The following METTL14 variants were observed in gnomAD, a reference collection of about 807,000 sequenced individuals.
METTL14 encodes the protein N(6)-adenosine-methyltransferase non-catalytic subunit METTL14.
A neutral mutation model predicts 62.4 loss-of-function variants in METTL14; 32 were observed. That is an observed-to-expected ratio of 0.51 (90% confidence interval 0.39 to 0.69). The LOEUF (loss-of-function observed/expected upper bound fraction) is 0.69. METTL14 is among the 30% of genes least tolerant of loss of function. METTL14 has a pLI of 0.00. For synonymous variants in METTL14, 150 were observed against 180.0 expected (o/e 0.83, Z 1.34); for missense variants, 340 against 551.9 (o/e 0.62, Z 3.85).
intron 5 of METTL14, 50 bp from the exon 6 acceptor site, chr4:118,694,386 T>TA (rs780484230): frequency 6.9e-7 from 1 of 1,445,366 alleles, no homozygotes; most frequent in South Asian, 1.2e-5. Flanking sequence ...GAATTACTGA[T>TA]ATTAACTTCA....
chr4:118,695,833 C>T (rs572455065), intron 6 of METTL14, among the ~76,000 whole-genome samples: 9 of 151,838 alleles, frequency 5.9e-5, no homozygotes, highest in Middle Eastern at 3.4e-3. Flanking sequence ...TATTTTGGGC[C>T]GGGTGCGGTG....
At chr4:118,705,110 T>G (rs1404889923) in intron 9 of METTL14, among the ~76,000 whole-genome samples, 2 of 152,202 alleles carry the variant, frequency 1.3e-5, no homozygotes, top group Admixed American at 1.3e-4. Flanking sequence ...TAGAAGAGTT[T>G]GTTTTTCTTA....
intron 1 of METTL14, among the ~76,000 whole-genome samples, chr4:118,687,286 G>A (rs896256655): frequency 3.3e-5 from 5 of 152,204 alleles, no homozygotes; most frequent in Admixed American, 6.5e-5. Context: ...GAATGCTTCA[G>A]TGACCATTTC....
chr4:118,688,323 G>A (rs1353510118), intron 2 of METTL14, among the ~76,000 whole-genome samples: 1 of 151,962 alleles, frequency 6.6e-6, no homozygotes, highest in African/African-American at 2.4e-5. Flanking sequence ...TGTAATCCCC[G>A]CTACTCGGGA....
chr4:118,695,440 T>C (rs986308572), intron 6 of METTL14, among the ~76,000 whole-genome samples: 1 of 151,952 alleles, frequency 6.6e-6, no homozygotes, highest in Non-Finnish European at 1.5e-5. Flanking sequence ...TCCCAGCTAC[T>C]CGAGAGGCTG....
intron 10 of METTL14, among the ~76,000 whole-genome samples, chr4:118,709,656 A>T (rs967746151): frequency 2.6e-5 from 4 of 152,230 alleles, no homozygotes; most frequent in Non-Finnish European, 4.4e-5. Context: ...GGCACCATTT[A>T]CATAAATAGG....
intron 4 of METTL14, 34 bp downstream of exon 4, chr4:118,691,646 T>G: frequency 8.9e-7 from 1 of 1,126,946 alleles, no homozygotes; most frequent in Non-Finnish European, 1.3e-6. Context: ...TTGTAACTCT[T>G]CATATTTAAG....
intron 5 of METTL14, among the ~76,000 whole-genome samples, chr4:118,694,025 A>T (rs145647098): frequency 0.011 from 1,701 of 150,850 alleles, 31 homozygotes; most frequent in African/African-American, 0.039. Flanking sequence ...TATCCAAGAA[A>T]TTAAGTAAAA....
chr4:118,688,418 G>A (rs1357887115), intron 2 of METTL14, among the ~76,000 whole-genome samples: 1 of 149,812 alleles, frequency 6.7e-6, no homozygotes, highest in African/African-American at 2.5e-5. Context: ...CTGCAGCCTG[G>A]GAGACAGAGT....
chr4:118,692,160 T>C (rs1724267483), intron 5 of METTL14, 92 bp downstream of exon 5: 1 of 787,556 alleles, frequency 1.3e-6, no homozygotes, highest in Admixed American at 2.5e-5. Flanking sequence ...ACAAAATTAT[T>C]TCTCCAGCTT....
chr4:118,689,661 T>C (rs891233614), intron 3 of METTL14, among the ~76,000 whole-genome samples: 2 of 151,572 alleles, frequency 1.3e-5, no homozygotes, highest in African/African-American at 4.8e-5. Context: ...TTTTTTTTTT[T>C]GTGACGGAGT....
intron 8 of METTL14, among the ~76,000 whole-genome samples, chr4:118,702,882 T>G (rs1429295279): frequency 6.7e-6 from 1 of 150,244 alleles, no homozygotes; most frequent in Non-Finnish European, 1.5e-5. Flanking sequence ...TTTTTTTGGT[T>G]CAGGGGGAAC....
At position 118,715,165 on chromosome 4, in the gene METTL14, A is replaced by G. The variant is rs1354440080; in HGVS notation, c.*4863A>G. 1 of 152,242 alleles carries G rather than the reference A, an allele frequency of 6.6e-6. No homozygotes were observed. Among genetic ancestry groups the G allele is most frequent in the East Asian group, 1.9e-4 (1 of 5,204 alleles). 9.4% of individuals were successfully genotyped at this position (152,242 alleles called of 1,614,324 possible). On this transcript the variant is annotated 3_prime_UTR_variant, in exon 11 of 11. Coordinates refer to ENST00000388822, the MANE Select transcript of METTL14 (RefSeq NM_020961.4). ...TTGTCACAAAATACACCTTTTAGAT[A>G]ATCCTTACCTGTACAGATTTTTATA... is the stretch of plus-strand genomic sequence containing the variant.
intron 8 of METTL14, among the ~76,000 whole-genome samples, chr4:118,703,020 T>TTG (rs1319426195): frequency 6.6e-6 from 1 of 150,908 alleles, no homozygotes; most frequent in African/African-American, 2.4e-5. Flanking sequence ...TGCAGGTTTG[T>TTG]TACATAGGTA....
chr4:118,704,680 TCCATGCC>T (rs1220043040), intron 9 of METTL14, among the ~76,000 whole-genome samples: 3 of 152,102 alleles, frequency 2.0e-5, no homozygotes, highest in African/African-American at 4.8e-5. Flanking sequence ...GCACAGCAGC[TCCATGCC>T]CCATGCCCCA....
chr4:118,689,711 C>T (rs1235772121), intron 3 of METTL14, among the ~76,000 whole-genome samples: 2 of 149,658 alleles, frequency 1.3e-5, no homozygotes, highest in African/African-American at 2.5e-5. Context: ...GGCACAATCT[C>T]GGCTCACTGC....
intron 3 of METTL14, among the ~76,000 whole-genome samples, chr4:118,690,040 T>C (rs1370343996): frequency 3.0e-5 from 4 of 133,910 alleles, no homozygotes. Context: ...ATATTCTTTT[T>C]TTTTTTTTTT....
intron 7 of METTL14, among the ~76,000 whole-genome samples, chr4:118,698,550 T>C (rs1724494791): frequency 6.6e-6 from 1 of 151,380 alleles, no homozygotes; most frequent in African/African-American, 2.4e-5. Context: ...GGACGCTGAA[T>C]TAGGGTAATA....
At position 118,698,310 on chromosome 4, in the gene METTL14, G is replaced by A. The variant is rs1199313163; in HGVS notation, c.645+987G>A. On this transcript the variant is annotated intron_variant, in intron 7 of 10. Coordinates refer to ENST00000388822, the MANE Select transcript of METTL14 (RefSeq NM_020961.4). ...TCTACTAAAAATACAAAAATTAGCC[G>A]GGTGTGGTGGCACGTACCTGTAATC... 5.9e-5 allele frequency among the ~76,000 whole-genome samples: 9 copies of A among 151,728 alleles called. No homozygotes were observed. In the East Asian group the frequency reaches 1.2e-3, roughly 20 times the overall value.
Sources: allele counts gnomAD v4.1 joint callset (sites outside exome capture counted in the v4.1 genomes callset), GRCh38; gene constraint gnomAD v4.1.1; transcripts MANE v1.5; gene names NCBI Gene and HGNC (gene_info 2026-07-23, HGNC 2026-07-21).